The following BBX variants were observed in gnomAD, a reference collection of about 807,000 sequenced individuals.
BBX encodes BBX high mobility group box domain containing.
Under a neutral mutation model 100.2 loss-of-function variants are expected in BBX, and 30 were observed. The observed-to-expected ratio is 0.30, with a 90% CI of 0.22 to 0.41. The LOEUF (loss-of-function observed/expected upper bound fraction) is 0.41. Ranked by LOEUF, BBX falls within the 10% of genes least tolerant of loss-of-function variation. The pLI, the probability that BBX is intolerant of heterozygous loss-of-function variation, is 1.00. For missense variants in BBX, 1,023 were observed against 1,129.8 expected (o/e 0.91, Z 1.35); for synonymous variants, 376 against 388.1 (o/e 0.97, Z 0.37).
intron 15 of BBX, among the ~76,000 whole-genome samples, chr3:107,794,345 C>T (rs141098962): frequency 1.0e-3 from 159 of 152,130 alleles, no homozygotes; most frequent in African/African-American, 3.7e-3. Flanking sequence ...CATTTAAGTA[C>T]ATCAGCTACT....
At chr3:107,699,197 C>T (rs1301428413) in intron 3 of BBX, among the ~76,000 whole-genome samples, 4 of 151,722 alleles carry the variant, frequency 2.6e-5, no homozygotes, top group African/African-American at 7.3e-5. Flanking sequence ...ACACCTCTCT[C>T]AGACTTGAAA....
intron 2 of BBX, among the ~76,000 whole-genome samples, chr3:107,594,968 C>G (rs1012520090): frequency 1.2e-4 from 19 of 152,320 alleles, no homozygotes; most frequent in African/African-American, 3.8e-4. Context: ...AAACTCACAT[C>G]TGTGTGACTC....
chr3:107,807,674 C>A lies in BBX; in HGVS notation c.*2217C>A, dbSNP rs558906137. The A allele has an allele frequency of 2.0e-5, 3 of 151,638 alleles. No individual in the cohort carries two copies. The South Asian group carries it at 6.3e-4, about 32-fold the overall frequency. The allele number at this position is 151,638 out of a possible 1,614,324, so 9.4% of individuals were successfully genotyped here. A position where few individuals can be genotyped will look rare whatever the true frequency, so the allele number is the denominator to read the frequency against. On this transcript the variant is annotated 3_prime_UTR_variant, in exon 18 of 18. Transcript: ENST00000325805. ...CCTCCGATTACATTTCACTAGAGTT[C>A]CTTACGAGATTGCTGTATATTCCTG...
At position 107,716,753 on chromosome 3, in the gene BBX, C is replaced by G. The variant is rs1432617269; in HGVS notation, c.309C>G (p.Pro103=). ...GCTCTCTTGTACGTCAGGAACACCC[C>G]AGGCTTGATAACCGAGGTGCTACCA... The part of the protein sequence containing the change: ...RHRSLVRQEH[P]RLDNRGATKI... Residue 103 remains proline, a synonymous_variant, in exon 5 of 18, where the codon CCC becomes CCG. Transcript: ENST00000325805. 1.2e-6 allele frequency: 2 copies of G among 1,613,646 alleles called. No individual in the cohort carries two copies. The highest frequency in any genetic ancestry group is 1.3e-5 in the African/African-American group (1 of 74,874).
At chr3:107,627,411 G>C (rs2056260740) in intron 2 of BBX, among the ~76,000 whole-genome samples, 1 of 152,120 alleles carries the variant, frequency 6.6e-6, no homozygotes, top group Non-Finnish European at 1.5e-5. Flanking sequence ...TATTGTAATT[G>C]GTAGTTTGTT....
At chr3:107,625,314 G>A (rs541803273) in intron 2 of BBX, among the ~76,000 whole-genome samples, 1 of 152,102 alleles carries the variant, frequency 6.6e-6, no homozygotes, top group African/African-American at 2.4e-5. Context: ...GTCTCACTCT[G>A]TCTCCCAGTC....
At chr3:107,617,228 A>T (rs145304169) in intron 2 of BBX, among the ~76,000 whole-genome samples, 1 of 152,108 alleles carries the variant, frequency 6.6e-6, no homozygotes, top group Admixed American at 6.5e-5. Flanking sequence ...TGGGTTCTCT[A>T]TGCTGTTCCG....
At chr3:107,542,791 A>G (rs1424343137) in intron 2 of BBX, among the ~76,000 whole-genome samples, 1 of 152,158 alleles carries the variant, frequency 6.6e-6, no homozygotes, top group Non-Finnish European at 1.5e-5. Context: ...CCATATTTAT[A>G]ATCACTCACT....
intron 2 of BBX, among the ~76,000 whole-genome samples, chr3:107,582,667 TC>T (rs34446991): frequency 1.3e-5 from 2 of 152,080 alleles, no homozygotes; most frequent in Non-Finnish European, 2.9e-5. Flanking sequence ...AAGTAGTACT[TC>T]CTGTGTTAAT....
intron 15 of BBX, among the ~76,000 whole-genome samples, chr3:107,792,561 G>A (rs927468122): frequency 6.6e-6 from 1 of 152,124 alleles, no homozygotes; most frequent in Non-Finnish European, 1.5e-5. Context: ...CAGCTTCCGT[G>A]TCATTTTACT....
rs1391260874 is a variant in BBX at position 107,806,735 on chromosome 3, A to G, written c.*1278A>G. The stretch of plus-strand genomic sequence containing the variant: ...CAACATATTGACTTAACCACCTGAC[A>G]TTCACAGTGTCTTGTTTCCTAGCAA... On this transcript the variant is annotated 3_prime_UTR_variant, in exon 18 of 18. Transcript: ENST00000325805. 1 of 152,262 alleles carries G rather than the reference A, an allele frequency of 6.6e-6. No individual in the cohort carries two copies. Among genetic ancestry groups the G allele is most frequent in the African/African-American group, 2.4e-5 (1 of 41,480 alleles). 9.4% of individuals were successfully genotyped at this position (152,262 alleles called of 1,614,324 possible). A position where few individuals can be genotyped will look rare whatever the true frequency, so the allele number is the denominator to read the frequency against.
chr3:107,737,164 T>C (rs2063691733), intron 7 of BBX, among the ~76,000 whole-genome samples: 1 of 152,172 alleles, frequency 6.6e-6, no homozygotes, highest in Non-Finnish European at 1.5e-5. Context: ...CTTTTAACTC[T>C]CCTGCAAATA....
At chr3:107,763,318 G>A (rs1826660) in intron 10 of BBX, among the ~76,000 whole-genome samples, 114,253 of 151,162 alleles carry the variant, frequency 0.76, 44,727 homozygotes, top group South Asian at 0.92. Flanking sequence ...TCCGCCTCCC[G>A]GGTTCACGCC....
At chr3:107,618,173 A>C (rs1171854056) in intron 2 of BBX, among the ~76,000 whole-genome samples, 4 of 151,952 alleles carry the variant, frequency 2.6e-5, no homozygotes, top group East Asian at 1.9e-4. Flanking sequence ...GGTGGAGTAC[A>C]TTCCTTGATT....
At chr3:107,791,144 C>A in intron 14 of BBX, 96 bp from the exon 15 acceptor site, 4 of 989,172 alleles carry the variant, frequency 4.0e-6, no homozygotes, top group Non-Finnish European at 6.2e-6. Flanking sequence ...TGTGATGTTT[C>A]AAAAGTTAGT....
At chr3:107,788,315 C>T (rs1428722780) in intron 13 of BBX, among the ~76,000 whole-genome samples, 1 of 151,976 alleles carries the variant, frequency 6.6e-6, no homozygotes, top group Non-Finnish European at 1.5e-5. Context: ...TCCTAGAAGC[C>T]CAATGAAGGA....
chr3:107,737,884 G>GTTTTTTTTTTGTTTT (rs2063745425), intron 7 of BBX, among the ~76,000 whole-genome samples: 1 of 48,886 alleles, frequency 2.0e-5, no homozygotes, highest in Non-Finnish European at 3.4e-5. Flanking sequence ...CAGAGTTCCA[G>GTTTTTTTTTTGTTTT]TTTTTTTTTT....
chr3:107,662,708 C>G (rs1458732958), intron 3 of BBX: 1 of 144,968 alleles, frequency 6.9e-6, no homozygotes, highest in Non-Finnish European at 1.5e-5. Flanking sequence ...ACGGTCCTAG[C>G]TAGTAGATGC....
intron 2 of BBX, among the ~76,000 whole-genome samples, chr3:107,615,221 G>T (rs1212741837): frequency 6.6e-6 from 1 of 152,110 alleles, no homozygotes; most frequent in South Asian, 2.1e-4. Flanking sequence ...TGAGTTAATG[G>T]TGTTTTATAA....
Sources: gnomAD v4.1 joint callset for allele counts (sites outside exome capture counted in the v4.1 genomes callset) on GRCh38, gnomAD v4.1.1 for gene constraint, MANE v1.5 for transcripts, NCBI Gene and HGNC (gene_info 2026-07-23, HGNC 2026-07-21) for gene names.